YEATS4: variants seen among roughly 807,000 people sequenced by gnomAD.
The protein encoded by YEATS4 is YEATS domain containing 4.
Under a neutral mutation model 30.1 loss-of-function variants are expected in YEATS4, and 17 were observed. That is an observed-to-expected ratio of 0.56 (90% confidence interval 0.39 to 0.85). The LOEUF (loss-of-function observed/expected upper bound fraction) is 0.85, where lower values mean the gene tolerates loss of function less well. Among genes scored for constraint, YEATS4 ranks in the 40% least tolerant of loss-of-function variants. The pLI, the probability that YEATS4 is intolerant of heterozygous loss-of-function variation, is 0.00. For synonymous variants in YEATS4, 85 were observed against 87.5 expected, an observed-to-expected ratio of 0.97 and a Z score of 0.16; for missense variants, 142 against 268.3, an observed-to-expected ratio of 0.53 and a Z score of 3.29.
intron 1 of YEATS4, 150 bp downstream of exon 1, chr12:69,360,173 T>C (rs1476531289): frequency 1.1e-6 from 1 of 886,164 alleles, no homozygotes; most frequent in Admixed American, 3.7e-5. Context: ...GTCAGAGCCA[T>C]TGAGCGAAAA....
the YEATS4 span, among the ~76,000 whole-genome samples, chr12:69,418,896 C>T: frequency 2.0e-5 from 3 of 151,276 alleles, 1 homozygote; most frequent in Non-Finnish European, 4.4e-5. Context: ...TCAGCCTGGG[C>T]AACATAGTGA....
At chr12:69,377,498 C>G (rs562956085) in intron 6 of YEATS4, among the ~76,000 whole-genome samples, 1 of 152,048 alleles carries the variant, frequency 6.6e-6, no homozygotes, top group East Asian at 1.9e-4. Flanking sequence ...TGTCCTCAAG[C>G]GATCCTCCCA....
At chr12:69,396,363 G>A in the YEATS4 span, among the ~76,000 whole-genome samples, 1 of 152,190 alleles carries the variant, frequency 6.6e-6, no homozygotes, top group Non-Finnish European at 1.5e-5. Context: ...AATCTGTTGG[G>A]ACAGAGATTC....
the YEATS4 span, among the ~76,000 whole-genome samples, chr12:69,419,393 A>T: frequency 6.6e-6 from 1 of 151,214 alleles, no homozygotes; most frequent in African/African-American, 2.4e-5. Flanking sequence ...GCTAATTTTT[A>T]AAATTTTTTG....
chr12:69,362,177 C>G (rs917836951), intron 1 of YEATS4, among the ~76,000 whole-genome samples: 1 of 151,742 alleles, frequency 6.6e-6, no homozygotes, highest in Admixed American at 6.6e-5. Flanking sequence ...ACCACCAAGC[C>G]CAGCTAATTT....
At chr12:69,372,146 A>G (rs538291644) in intron 6 of YEATS4, among the ~76,000 whole-genome samples, 2 of 152,176 alleles carry the variant, frequency 1.3e-5, no homozygotes, top group South Asian at 4.1e-4. Context: ...ATATGAAGTC[A>G]TTTGTGAGTT....
At chr12:69,400,998 A>C in the YEATS4 span, 1 of 152,212 alleles carries the variant, frequency 6.6e-6, no homozygotes, top group South Asian at 2.1e-4. Flanking sequence ...GTAGTGCACT[A>C]TGCTGATCTG....
chr12:69,386,532 G>A lies in YEATS4; in HGVS notation c.515-3615G>A, dbSNP rs1441120811. Among the ~76,000 whole-genome samples the A allele has an allele frequency of 3.9e-5, 6 of 152,082 alleles. No individual in the cohort carries two copies. In the South Asian group the frequency reaches 8.3e-4, roughly 21 times the overall value. On this transcript the variant is annotated intron_variant, in intron 6 of 6. Transcript: ENST00000247843. ...GATTTGAATCCAGTCTACTCTTGTCGTTCCCTATGATTACCTCATAACATT... is the reference window on the plus strand; with the variant it reads ...GATTTGAATCCAGTCTACTCTTGTCATTCCCTATGATTACCTCATAACATT...
the YEATS4 span, among the ~76,000 whole-genome samples, chr12:69,407,160 A>C: frequency 2.0e-5 from 3 of 150,004 alleles, no homozygotes; most frequent in Non-Finnish European, 4.4e-5. Context: ...TTTTTTCTAG[A>C]ATCAAGAATG....
chr12:69,366,195 C>G lies in YEATS4; in HGVS notation c.333+311C>G, dbSNP rs114918597. On this transcript the variant is annotated intron_variant, in intron 4 of 6. Transcript: ENST00000247843. ...GTTATTAGTAATAAATAAGTTGAGC[C>G]CATATGCTGTGTAAAATAGTTTTTA... Among the ~76,000 whole-genome samples the G allele has an allele frequency of 7.2e-3, 1,088 of 151,930 alleles. 20 individuals carry two copies. Among genetic ancestry groups the G allele is most frequent in the African/African-American group, 0.025 (1,016 of 41,440 alleles).
In YEATS4 at chr12:69,365,671, A is replaced by G. The variant is rs372076169; in HGVS notation, c.210A>G (p.Leu70=). Residue 70 remains leucine (L), a synonymous_variant, in exon 3 of 7, where the codon TTA becomes TTG. Transcript: ENST00000247843. ...SAYVKKIQFK[L]HESYGNPLRV... is the part of the protein sequence containing the mutation. ...ATGTGAAGAAAATCCAGTTTAAATT[A>G]CATGAAAGCTATGGCAATCCTTTAA... is the stretch of plus-strand genomic sequence containing the variant. 6.2e-7 allele frequency: 1 copy of G among 1,611,900 alleles called. No individual in the cohort carries two copies. The highest frequency in any genetic ancestry group is 1.7e-5 in the Admixed American group (1 of 59,978).
At chr12:69,362,010 G>GTTGTTTTTGTTTTTTT (rs35684976) in intron 1 of YEATS4, among the ~76,000 whole-genome samples, 7 of 69,656 alleles carry the variant, frequency 1.0e-4, no homozygotes, top group Non-Finnish European at 9.2e-5. Context: ...AGGGTGTTTG[G>GTTGTTTTTGTTTTTTT]TTGTTTTTTT....
the YEATS4 span, among the ~76,000 whole-genome samples, chr12:69,397,038 A>G: frequency 6.6e-6 from 1 of 152,200 alleles, no homozygotes; most frequent in Non-Finnish European, 1.5e-5. Flanking sequence ...AGCGTGTTGA[A>G]TGGTAAGAAT....
rs563323850 is a variant in YEATS4 at position 69,375,361 on chromosome 12, C to T, written c.514+4386C>T. Among the ~76,000 whole-genome samples the T allele has an allele frequency of 5.9e-4, 89 of 150,874 alleles. 1 individual carries two copies. The highest frequency in any genetic ancestry group is 3.5e-3 in the Middle Eastern group (1 of 282). On this transcript the variant is annotated intron_variant, in intron 6 of 6. Coordinates refer to ENST00000247843, the MANE Select transcript of YEATS4 (RefSeq NM_006530.4). Reference sequence around the variant, plus strand: ...CAGAGGATGGGCGGCCGGACAGAGACGCTCCTCACTTCCTAGACGGGATGA... The same window carrying T: ...CAGAGGATGGGCGGCCGGACAGAGATGCTCCTCACTTCCTAGACGGGATGA...
At chr12:69,397,769 A>G in the YEATS4 span, among the ~76,000 whole-genome samples, 1 of 152,172 alleles carries the variant, frequency 6.6e-6, no homozygotes, top group East Asian at 1.9e-4. Flanking sequence ...GGAAGACCAT[A>G]TGAAGACACA....
chr12:69,359,909 G>A lies in YEATS4; in HGVS notation c.-64G>A, dbSNP rs574567970. ...GCGACAGGAGCGCGGTCTCTGAGGGGAGCGGCGACCCCGCCAGCCCCGGTC... is the reference window on the plus strand; with the variant it reads ...GCGACAGGAGCGCGGTCTCTGAGGGAAGCGGCGACCCCGCCAGCCCCGGTC... On this transcript the variant is annotated 5_prime_UTR_variant, in exon 1 of 7. Coordinates refer to ENST00000247843, the MANE Select transcript of YEATS4 (RefSeq NM_006530.4). 18 of 1,601,710 alleles carry A rather than the reference G, an allele frequency of 1.1e-5. No individual in the cohort carries two copies. In the South Asian group the frequency reaches 1.9e-4, roughly 17 times the overall value.
At chr12:69,394,967 T>G (rs1228415047), downstream of YEATS4, among the ~76,000 whole-genome samples, 4 of 152,112 alleles carry the variant, frequency 2.6e-5, no homozygotes, top group African/African-American at 9.7e-5. Flanking sequence ...TTTTAAATTT[T>G]AGATTTAAAA....
chr12:69,401,478 G>A, the YEATS4 span, among the ~76,000 whole-genome samples: 1 of 152,170 alleles, frequency 6.6e-6, no homozygotes, highest in Non-Finnish European at 1.5e-5. Flanking sequence ...TCGACCTTTG[G>A]TGGCCAGTAA....
intron 6 of YEATS4, among the ~76,000 whole-genome samples, chr12:69,376,054 T>TA (rs1164365477): frequency 6.6e-6 from 1 of 152,182 alleles, no homozygotes; most frequent in Admixed American, 6.5e-5. Context: ...GGTGGAGTCT[T>TA]TAGGTTTTTC....
Sources: gnomAD v4.1 joint callset for allele counts (sites outside exome capture counted in the v4.1 genomes callset) on GRCh38, gnomAD v4.1.1 for gene constraint, MANE v1.5 for transcripts, NCBI Gene and HGNC (gene_info 2026-07-23, HGNC 2026-07-21) for gene names.